The following PACS1 variants were observed in gnomAD, a reference collection of about 807,000 sequenced individuals.
The protein encoded by PACS1 is PACS-1.
A neutral mutation model predicts 115.0 loss-of-function variants in PACS1; 24 were observed. That is an observed-to-expected ratio of 0.21 (90% CI 0.15 to 0.29). The LOEUF (loss-of-function observed/expected upper bound fraction) is 0.29, where lower values mean the gene tolerates loss of function less well. Ranked by LOEUF, PACS1 falls within the 10% of genes least tolerant of loss-of-function variation. PACS1 has a pLI of 1.00. For synonymous variants in PACS1, 453 were observed against 504.5 expected (o/e 0.90, Z 1.37); for missense variants, 838 against 1,251.2 (o/e 0.67, Z 4.98).
intron 1 of PACS1, among the ~76,000 whole-genome samples, chr11:66,132,629 G>C (rs781524058): frequency 1.3e-5 from 2 of 152,162 alleles, no homozygotes; most frequent in East Asian, 3.8e-4. Flanking sequence ...TACATGTTCA[G>C]TATAGATGCA....
chr11:66,206,538 T>A (rs1462700905), intron 2 of PACS1, among the ~76,000 whole-genome samples: 1 of 152,240 alleles, frequency 6.6e-6, no homozygotes, highest in Non-Finnish European at 1.5e-5. Flanking sequence ...TCTAGCGAAT[T>A]TGAAATTCAG....
At chr11:66,125,321 A>G (rs1207814056) in intron 1 of PACS1, among the ~76,000 whole-genome samples, 2 of 152,338 alleles carry the variant, frequency 1.3e-5, no homozygotes, top group African/African-American at 4.8e-5. Context: ...ACATCAATTA[A>G]TGCGTAGACC....
chr11:66,159,245 C>G (rs1859434264), intron 1 of PACS1, among the ~76,000 whole-genome samples: 2 of 152,148 alleles, frequency 1.3e-5, no homozygotes, highest in South Asian at 4.2e-4. Flanking sequence ...CGAGACCAGC[C>G]TGACCAACAT....
At chr11:66,083,595 G>A (rs1857522208) in intron 1 of PACS1, among the ~76,000 whole-genome samples, 1 of 152,178 alleles carries the variant, frequency 6.6e-6, no homozygotes, top group Admixed American at 6.5e-5. Context: ...TGTTTACTTA[G>A]GCTCCAGAAG....
In PACS1 at chr11:66,202,761, A is replaced by G. The variant is rs1854844028; in HGVS notation, c.445-7601A>G. The stretch of plus-strand genomic sequence containing the variant: ...AAAAAAAATATATATATATATATAT[A>G]TATATATATATATATATATATTCTG... On this transcript the variant is annotated intron_variant, in intron 2 of 23. Transcript: ENST00000320580. 1.8e-5 allele frequency among the ~76,000 whole-genome samples: 2 copies of G among 110,492 alleles called. 1 individual carries two copies. The highest frequency in any genetic ancestry group is 3.6e-5 in the Non-Finnish European group (2 of 55,146). 72.5% of individuals were successfully genotyped at this position (110,492 alleles called of 152,430 possible). A position where few individuals can be genotyped will look rare whatever the true frequency, so the allele number is the denominator to read the frequency against.
chr11:66,215,747 A>C (rs1428800360), intron 4 of PACS1, among the ~76,000 whole-genome samples: 1 of 151,524 alleles, frequency 6.6e-6, no homozygotes, highest in Admixed American at 6.6e-5. Flanking sequence ...AAATGCAAAA[A>C]ATATTAGCTG....
rs550987941 is a variant in PACS1 at position 66,202,701 on chromosome 11, C to CA, written c.445-7659dup. The stretch of plus-strand genomic sequence containing the variant: ...GCCAAGAATTTGAGACCAGCCTGGG[C>CA]AACATGGCAAAACCTCATCTCTAGG... On this transcript the variant is annotated intron_variant, in intron 2 of 23. Coordinates refer to ENST00000320580, the MANE Select transcript of PACS1 (RefSeq NM_018026.4). Among the ~76,000 whole-genome samples the CA allele has an allele frequency of 2.4e-4, 27 of 111,978 alleles. No individual in the cohort carries two copies. In the South Asian group the frequency reaches 5.5e-3, roughly 23 times the overall value. 73.5% of individuals were successfully genotyped at this position (111,978 alleles called of 152,430 possible).
At chr11:66,158,994 T>C (rs946329273) in intron 1 of PACS1, among the ~76,000 whole-genome samples, 4 of 152,172 alleles carry the variant, frequency 2.6e-5, no homozygotes, top group Non-Finnish European at 5.9e-5. Context: ...AAAAATGATC[T>C]AAAACAAGTG....
chr11:66,174,533 A>T (rs1249532874), intron 1 of PACS1, among the ~76,000 whole-genome samples: 1 of 152,228 alleles, frequency 6.6e-6, no homozygotes, highest in African/African-American at 2.4e-5. Context: ...GTGTCCACCA[A>T]CTTGTAAATG....
At chr11:66,187,019 C>G (rs1026952399) in intron 1 of PACS1, among the ~76,000 whole-genome samples, 1 of 152,114 alleles carries the variant, frequency 6.6e-6, no homozygotes, top group African/African-American at 2.4e-5. Flanking sequence ...CTGGCTCTTC[C>G]GGCTCAGTGT....
chr11:66,092,988 TGGTGATGC>T (rs1257995443), intron 1 of PACS1, among the ~76,000 whole-genome samples: 1 of 152,172 alleles, frequency 6.6e-6, no homozygotes, highest in African/African-American at 2.4e-5. Flanking sequence ...AGGATTGACT[TGGTGATGC>T]GGGCCCTTTT....
rs757089422 is a variant in PACS1 at position 66,241,481 on chromosome 11, G to A, written c.2484G>A (p.Leu828=). 109 of 1,612,190 alleles carry A rather than the reference G, an allele frequency of 6.8e-5. No homozygotes were observed. The highest frequency in any genetic ancestry group is 1.1e-4 in the South Asian group (10 of 90,690). ...DVIGLQVDYW[L]GHPGERRREG... ...TTGGCCTCCAGGTGGACTACTGGCTGGGCCACCCCGGGGAGCGGAGGAGGG... is the reference window on the plus strand; with the variant it reads ...TTGGCCTCCAGGTGGACTACTGGCTAGGCCACCCCGGGGAGCGGAGGAGGG... Residue 828 remains leucine, a synonymous_variant, in exon 22 of 24, where the codon CTG becomes CTA. Transcript: ENST00000320580.
At chr11:66,145,618 A>G (rs1300718144) in intron 1 of PACS1, among the ~76,000 whole-genome samples, 1 of 152,162 alleles carries the variant, frequency 6.6e-6, no homozygotes, top group Non-Finnish European at 1.5e-5. Flanking sequence ...AACTAGAGAG[A>G]TCCCATGGTA....
In PACS1 at chr11:66,243,006, C is replaced by A; in HGVS notation, c.2751C>A (p.Ala917=). Residue 917 remains alanine (A), a synonymous_variant, in exon 23 of 24, where the codon GCC becomes GCA. Coordinates refer to ENST00000320580, the MANE Select transcript of PACS1 (RefSeq NM_018026.4). ...IEGISRLICS[A]KQQQTMLRVS... is the part of the protein sequence containing the mutation. ...GCATCAGCCGCCTCATCTGCTCAGC[C>A]AAGCAGCAGCAGACTATGCTGAGAG... The A allele has an allele frequency of 1.2e-6, 2 of 1,613,898 alleles. No individual in the cohort carries two copies. Among genetic ancestry groups the A allele is most frequent in the Non-Finnish European group, 1.7e-6 (2 of 1,179,900 alleles).
At chr11:66,110,333 A>G (rs944754553) in intron 1 of PACS1, among the ~76,000 whole-genome samples, 1 of 152,138 alleles carries the variant, frequency 6.6e-6, no homozygotes, top group African/African-American at 2.4e-5. Flanking sequence ...ACAAGTTCTC[A>G]CTGTGTCACC....
chr11:66,223,955 T>C (rs1387579370), intron 10 of PACS1, among the ~76,000 whole-genome samples: 1 of 152,156 alleles, frequency 6.6e-6, no homozygotes, highest in Non-Finnish European at 1.5e-5. Context: ...CCCAGCACTT[T>C]GGGAGGCCGA....
At chr11:66,134,766 TCTCA>T (rs1481516542) in intron 1 of PACS1, among the ~76,000 whole-genome samples, 3 of 151,990 alleles carry the variant, frequency 2.0e-5, no homozygotes, top group Non-Finnish European at 2.9e-5. Flanking sequence ...GTCATCTTTT[TCTCA>T]CTATCACTGG....
chr11:66,196,749 C>G (rs1271283827), intron 2 of PACS1, among the ~76,000 whole-genome samples: 1 of 152,080 alleles, frequency 6.6e-6, no homozygotes, highest in Non-Finnish European at 1.5e-5. Flanking sequence ...AGGCACCCAC[C>G]ACCATGCCTG....
intron 1 of PACS1, among the ~76,000 whole-genome samples, chr11:66,113,609 C>G (rs767641086): frequency 1.3e-5 from 2 of 152,172 alleles, no homozygotes; most frequent in South Asian, 4.1e-4. Flanking sequence ...CAGTTCCTTT[C>G]GGTATGATGA....
Sources: gnomAD v4.1 joint callset for allele counts (sites outside exome capture counted in the v4.1 genomes callset) on GRCh38, gnomAD v4.1.1 for gene constraint, MANE v1.5 for transcripts, NCBI Gene and HGNC (gene_info 2026-07-23, HGNC 2026-07-21) for gene names.